The following RNF212B variants were observed in gnomAD, a reference collection of about 807,000 sequenced individuals.
RNF212B encodes E3 ubiquitin-protein ligase RNF212B.
Under a neutral mutation model 55.5 loss-of-function variants are expected in RNF212B, and 52 were observed. That is an observed-to-expected ratio of 0.94 (90% CI 0.75 to 1.18). RNF212B has a LOEUF of 1.18. RNF212B is among the 50% of genes most tolerant of loss of function. The probability of loss-of-function intolerance (pLI) is 0.00; values close to 1 mark genes in which losing one functional copy is unlikely to be tolerated. For missense variants in RNF212B, 289 were observed against 350.4 expected (o/e 0.82, Z 1.40); for synonymous variants, 99 against 121.4 (o/e 0.82, Z 1.21).
At chr14:23,219,456 G>A (rs1050514542) in intron 2 of RNF212B, among the ~76,000 whole-genome samples, 2 of 149,566 alleles carry the variant, frequency 1.3e-5, no homozygotes, top group South Asian at 4.2e-4. Flanking sequence ...GAAGTGTAGC[G>A]CTCTCCTTCT....
rs148569802 is a variant in RNF212B, at chr14:23,263,341, C to T, written c.524+371C>T. ...TATTGTTTAACAACTTTTCACAAGC[C>T]AACCCTGACTTTCAGGGAATGAAAT... On this transcript the variant is annotated intron_variant, in intron 9 of 14. Transcript: ENST00000430154. 9.3e-4 allele frequency among the ~76,000 whole-genome samples: 141 copies of T among 152,284 alleles called. 1 individual carries two copies. The highest frequency in any genetic ancestry group is 3.3e-3 in the African/African-American group (139 of 41,544).
At chr14:23,198,984 G>T (rs1484056482) in intron 2 of RNF212B, among the ~76,000 whole-genome samples, 1 of 152,082 alleles carries the variant, frequency 6.6e-6, no homozygotes, top group African/African-American at 2.4e-5. Context: ...ATATTACCTA[G>T]TGCTATACCT....
chr14:23,226,447 G>T (rs941234881), intron 2 of RNF212B, among the ~76,000 whole-genome samples: 1 of 151,630 alleles, frequency 6.6e-6, no homozygotes, highest in African/African-American at 2.4e-5. Context: ...TGGCTAACAC[G>T]GTGGAACCCC....
chr14:23,214,678 T>C (rs1798245362), intron 2 of RNF212B, among the ~76,000 whole-genome samples: 1 of 151,254 alleles, frequency 6.6e-6, no homozygotes, highest in Non-Finnish European at 1.5e-5. Context: ...AAAATAATAA[T>C]AATAATAATC....
intron 1 of RNF212B, among the ~76,000 whole-genome samples, chr14:23,186,935 CTG>C (rs1162009061): frequency 1.3e-5 from 2 of 152,298 alleles, no homozygotes; most frequent in South Asian, 2.1e-4. Flanking sequence ...GAGGGAAACT[CTG>C]TGTTTTTGCT....
chr14:23,267,798 G>A (rs904530004), intron 11 of RNF212B, among the ~76,000 whole-genome samples: 3 of 152,040 alleles, frequency 2.0e-5, no homozygotes, highest in Non-Finnish European at 4.4e-5. Flanking sequence ...CTTGTTTTTT[G>A]CATGGAATAT....
chr14:23,231,787 G>T (rs1182422261), intron 2 of RNF212B, among the ~76,000 whole-genome samples: 1 of 152,162 alleles, frequency 6.6e-6, no homozygotes, highest in African/African-American at 2.4e-5. Flanking sequence ...TTGCAGGCAC[G>T]CGCCGCCACG....
At chr14:23,242,081 CAAAAAAAA>C (rs58497672) in intron 2 of RNF212B, among the ~76,000 whole-genome samples, 2 of 36,646 alleles carry the variant, frequency 5.5e-5, no homozygotes, top group African/African-American at 1.1e-4. Context: ...GACTCCGTCT[CAAAAAAAA>C]AAAAAAAAAA....
intron 2 of RNF212B, among the ~76,000 whole-genome samples, chr14:23,207,957 G>T (rs1185311543): frequency 6.6e-6 from 1 of 152,194 alleles, no homozygotes; most frequent in Non-Finnish European, 1.5e-5. Context: ...ACAGATAAAT[G>T]AGACATTGCA....
intron 4 of RNF212B, among the ~76,000 whole-genome samples, chr14:23,258,174 A>C: frequency 6.6e-6 from 1 of 152,158 alleles, no homozygotes; most frequent in Non-Finnish European, 1.5e-5. Context: ...CCCCGTCTCT[A>C]CTAAAAATAC....
chr14:23,228,187 G>A (rs1326003074), intron 2 of RNF212B, among the ~76,000 whole-genome samples: 6 of 152,028 alleles, frequency 3.9e-5, no homozygotes, highest in South Asian at 4.2e-4. Flanking sequence ...AGCTGAGATC[G>A]TGCCATCACA....
intron 1 of RNF212B, among the ~76,000 whole-genome samples, chr14:23,238,737 A>AAATAATAAT (rs34688858): frequency 6.6e-4 from 90 of 136,248 alleles, no homozygotes; most frequent in Middle Eastern, 3.7e-3. Flanking sequence ...CCCTGTCTCA[A>AAATAATAAT]AATAATAATA....
At chr14:23,194,714 T>A (rs1205142611) in intron 2 of RNF212B, among the ~76,000 whole-genome samples, 1 of 107,042 alleles carries the variant, frequency 9.3e-6, no homozygotes. Flanking sequence ...CAGCTTGGGC[T>A]ACAGAGTGAG....
chr14:23,192,151 A>G (rs1878175295), intron 1 of RNF212B, among the ~76,000 whole-genome samples: 1 of 150,882 alleles, frequency 6.6e-6, no homozygotes, highest in Non-Finnish European at 1.5e-5. Context: ...ATCTAGAGCT[A>G]GAAATACCAT....
chr14:23,197,732 T>C (rs957351471), intron 2 of RNF212B, among the ~76,000 whole-genome samples: 1 of 152,090 alleles, frequency 6.6e-6, no homozygotes, highest in Non-Finnish European at 1.5e-5. Context: ...ATCAAGATTT[T>C]GCTATGTTGT....
intron 14 of RNF212B, among the ~76,000 whole-genome samples, chr14:23,271,042 A>G (rs370312821): frequency 6.6e-6 from 1 of 152,178 alleles, no homozygotes; most frequent in South Asian, 2.1e-4. Context: ...TTCTCCAGAG[A>G]CCGCTAGAAT....
chr14:23,201,726 T>C (rs1019492224), intron 2 of RNF212B, among the ~76,000 whole-genome samples: 5 of 152,172 alleles, frequency 3.3e-5, no homozygotes, highest in African/African-American at 4.8e-5. Context: ...GGATTTCAGG[T>C]CATTGTAAAG....
In RNF212B at chr14:23,208,913, T is replaced by C. The variant is rs969127761; in HGVS notation, c.-2+15512T>C. 1.3e-4 allele frequency among the ~76,000 whole-genome samples: 19 copies of C among 151,580 alleles called. No homozygotes were observed. The South Asian group carries it at 2.1e-3, about 17-fold the overall frequency. ...AGTTGGGACTACAGGTGCCCGCCAC[T>C]ACGCCTGGCTAATTTTTTGTATTTT... On this transcript the variant is annotated intron_variant, in intron 2 of 15. Coordinates refer to the RNF212B transcript ENST00000399910.
chr14:23,243,381 G>A, intron 3 of RNF212B, 73 bp downstream of exon 3: 1 of 1,261,334 alleles, frequency 7.9e-7, no homozygotes, highest in Non-Finnish European at 1.1e-6. Context: ...ACAAAGTACA[G>A]ATGATGAATT....
Sources: allele counts gnomAD v4.1 joint callset (sites outside exome capture counted in the v4.1 genomes callset), GRCh38; gene constraint gnomAD v4.1.1; transcripts MANE v1.5; gene names NCBI Gene and HGNC (gene_info 2026-07-23, HGNC 2026-07-21).